The following EIF2AK3 variants were observed in gnomAD, a reference collection of about 807,000 sequenced individuals.
EIF2AK3 encodes the protein eukaryotic translation initiation factor 2-alpha kinase 3.
EIF2AK3 carries 50 observed loss-of-function variants against 113.5 expected under a neutral mutation model. That is an observed-to-expected ratio of 0.44 (90% CI 0.35 to 0.56). The LOEUF is 0.56. EIF2AK3 is among the 20% of genes least tolerant of loss of function. The pLI is 0.00. For missense variants in EIF2AK3, 1,185 were observed against 1,378.0 expected (o/e 0.86, Z 2.22); for synonymous variants, 448 against 495.4 (o/e 0.90, Z 1.27).
Position 88,576,574 on chromosome 2 carries a change from T to G in EIF2AK3, c.2016A>C (p.Glu672Asp). 1 of 1,614,146 alleles carries G rather than the reference T, an allele frequency of 6.2e-7. No homozygotes were observed. The part of the protein sequence containing the change: ...PPEKWQEKMD[E>D]IWLKDESTDW... The stretch of plus-strand genomic sequence containing the variant: ...GTTACCTTTCATCTTTCAGCCAAAT[T>G]TCATCCATCTTTTCTTGCCACTTCT... The change falls in exon 12 of 17, where the codon GAA (glutamate) becomes GAC (aspartate). Residue 672 changes from glutamate to aspartate, a missense_variant. This residue lies in a region of EIF2AK3 where 877 missense variants were observed against 1,024.2 expected (regional missense o/e 0.86). Coordinates refer to ENST00000303236, the MANE Select transcript of EIF2AK3 (RefSeq NM_004836.7).
chr2:88,562,876 T>C (rs1674002746), intron 14 of EIF2AK3, among the ~76,000 whole-genome samples: 1 of 152,236 alleles, frequency 6.6e-6, no homozygotes, highest in African/African-American at 2.4e-5. Flanking sequence ...TTTGCATTCT[T>C]GGTTGTATTT....
chr2:88,598,992 G>A (rs186271829), intron 2 of EIF2AK3, among the ~76,000 whole-genome samples: 3 of 152,160 alleles, frequency 2.0e-5, no homozygotes, highest in Admixed American at 6.5e-5. Flanking sequence ...ACCAGGTTGG[G>A]GTAGGTAAAG....
chr2:88,577,796 G>C (rs1186627813), intron 11 of EIF2AK3, among the ~76,000 whole-genome samples: 2 of 152,012 alleles, frequency 1.3e-5, no homozygotes, highest in South Asian at 2.1e-4. Context: ...GCCTTTGCTC[G>C]GGCCATTTCA....
intron 2 of EIF2AK3, among the ~76,000 whole-genome samples, chr2:88,597,731 T>G (rs1194861347): frequency 6.6e-6 from 1 of 152,162 alleles, no homozygotes; most frequent in East Asian, 1.9e-4. Flanking sequence ...CTAAGAAAAT[T>G]TTGGCAATGT....
At chr2:88,589,016 AAAG>A in intron 6 of EIF2AK3, 115 bp from the exon 7 acceptor site, 2 of 1,256,764 alleles carry the variant, frequency 1.6e-6, no homozygotes, top group Non-Finnish European at 2.2e-6. Context: ...AACTCTTGTC[AAAG>A]AAGAAACATG....
chr2:88,593,666 A>T (rs1009756593), intron 3 of EIF2AK3, among the ~76,000 whole-genome samples: 3 of 152,224 alleles, frequency 2.0e-5, no homozygotes, highest in African/African-American at 7.2e-5. Flanking sequence ...GGAGATTTCC[A>T]TAGAATATAC....
At chr2:88,568,485 T>C (rs992310831) in intron 14 of EIF2AK3, among the ~76,000 whole-genome samples, 2 of 152,200 alleles carry the variant, frequency 1.3e-5, no homozygotes, top group Non-Finnish European at 2.9e-5. Context: ...GTAGAAATTA[T>C]TAATTTATTA....
chr2:88,607,985 A>T (rs898674184), intron 2 of EIF2AK3, among the ~76,000 whole-genome samples: 2 of 152,222 alleles, frequency 1.3e-5, no homozygotes, highest in African/African-American at 4.8e-5. Flanking sequence ...CAGTAAGTTA[A>T]TGGAAGAATT....
intron 1 of EIF2AK3, among the ~76,000 whole-genome samples, chr2:88,617,471 G>A (rs1310313486): frequency 6.6e-6 from 1 of 152,188 alleles, no homozygotes; most frequent in Non-Finnish European, 1.5e-5. Flanking sequence ...GGGAGCAATA[G>A]ACACTGCAGA....
At chr2:88,612,483 TTAA>T (rs1413927107) in intron 2 of EIF2AK3, among the ~76,000 whole-genome samples, 16 of 152,262 alleles carry the variant, frequency 1.1e-4, no homozygotes, top group African/African-American at 3.6e-4. Flanking sequence ...GCTATTTGTA[TTAA>T]TAATTCATAA....
intron 14 of EIF2AK3, among the ~76,000 whole-genome samples, chr2:88,566,898 A>G (rs1312632686): frequency 6.6e-6 from 1 of 152,246 alleles, no homozygotes; most frequent in Non-Finnish European, 1.5e-5. Context: ...CAGTGAGCCA[A>G]GATCACATGA....
intron 2 of EIF2AK3, among the ~76,000 whole-genome samples, chr2:88,611,984 G>C (rs1485207106): frequency 6.6e-6 from 1 of 152,130 alleles, no homozygotes; most frequent in Non-Finnish European, 1.5e-5. Context: ...GGGTGGGTGG[G>C]TGTGAGAGAG....
chr2:88,579,366 G>T, intron 11 of EIF2AK3, 152 bp downstream of exon 11: 1 of 978,566 alleles, frequency 1.0e-6, no homozygotes, highest in Non-Finnish European at 1.5e-6. Context: ...CTTTTAGACA[G>T]CTGGTTAATT....
In EIF2AK3 at chr2:88,570,963, C is replaced by T; in HGVS notation, c.2896G>A (p.Glu966Lys). Residue 966 changes from glutamate to lysine, a missense_variant, in exon 14 of 17, where the codon GAG becomes AAG. Physicochemically the swap from Glu to Lys is moderately conservative, Grantham distance 56 (BLOSUM62 1). Coordinates refer to ENST00000303236, the MANE Select transcript of EIF2AK3 (RefSeq NM_004836.7). ...FGLVTAMDQD[E>K]EEQTVLTPMP... ...GGGGTCAGAACCGTCTGCTCTTCCT[C>T]ATCCTGGTCCATTGCAGTCACTAAC... 6.2e-7 allele frequency: 1 copy of T among 1,614,188 alleles called. No homozygotes were observed.
intron 15 of EIF2AK3, among the ~76,000 whole-genome samples, chr2:88,559,404 A>G (rs912823036): frequency 3.3e-5 from 5 of 152,154 alleles, no homozygotes; most frequent in African/African-American, 1.2e-4. Flanking sequence ...GAATATATGT[A>G]GGTTCTATAC....
At chr2:88,558,299 CATAAAT>C (rs1455789148) in intron 16 of EIF2AK3, among the ~76,000 whole-genome samples, 3 of 152,124 alleles carry the variant, frequency 2.0e-5, no homozygotes, top group Non-Finnish European at 4.4e-5. Flanking sequence ...ATCCCTGAAA[CATAAAT>C]ATGATTTTTA....
At chr2:88,602,428 G>T (rs1268724592) in intron 2 of EIF2AK3, among the ~76,000 whole-genome samples, 1 of 152,056 alleles carries the variant, frequency 6.6e-6, no homozygotes, top group African/African-American at 2.4e-5. Flanking sequence ...GGTTTAAAAA[G>T]GAGAAGAGGG....
At chr2:88,598,462 A>G (rs942331742) in intron 2 of EIF2AK3, among the ~76,000 whole-genome samples, 3 of 152,206 alleles carry the variant, frequency 2.0e-5, no homozygotes, top group African/African-American at 7.2e-5. Context: ...GCCCTGAGAG[A>G]GACTGCATCA....
In EIF2AK3 at chr2:88,573,349, T is replaced by C. The variant is rs140960682; in HGVS notation, c.2817+1317A>G. 1.0e-3 allele frequency among the ~76,000 whole-genome samples: 155 copies of C among 152,350 alleles called. 2 individuals are homozygous for C. In the East Asian group the frequency reaches 0.027, roughly 27 times the overall value. On this transcript the variant is annotated intron_variant, in intron 13 of 16. Coordinates refer to ENST00000303236, the MANE Select transcript of EIF2AK3 (RefSeq NM_004836.7). Reference sequence around the variant, plus strand: ...TATAAAATTAGCAGAAGAATATTCATTATTAGTGAAAACATGATTCATTGT... The same window carrying C: ...TATAAAATTAGCAGAAGAATATTCACTATTAGTGAAAACATGATTCATTGT...
Sources: gnomAD v4.1 joint callset for allele counts (sites outside exome capture counted in the v4.1 genomes callset) on GRCh38, gnomAD v4.1.1 for gene constraint, gnomAD v4.1.1 regional missense constraint, MANE v1.5 for transcripts, NCBI Gene and HGNC (gene_info 2026-07-23, HGNC 2026-07-21) for gene names.